The following FARS2 variants were observed in gnomAD, a reference collection of about 807,000 sequenced individuals.
FARS2 encodes the protein phenylalanyl-tRNA synthetase 2, mitochondrial.
Under a neutral mutation model 46.4 loss-of-function variants are expected in FARS2, and 40 were observed. The observed-to-expected ratio is 0.86, with a 90% confidence interval of 0.67 to 1.12. The LOEUF is 1.12. FARS2 is among the 50% of genes most tolerant of loss of function. The pLI is 0.00. For missense variants in FARS2, 513 were observed against 567.9 expected (o/e 0.90, Z 0.98); for synonymous variants, 234 against 214.9 (o/e 1.09, Z -0.78).
At chr6:5,279,862 C>T (rs894498102) in intron 1 of FARS2, among the ~76,000 whole-genome samples, 1 of 152,164 alleles carries the variant, frequency 6.6e-6, no homozygotes, top group South Asian at 2.1e-4. Context: ...AGAGGGCAAT[C>T]CGTTATACTT....
At chr6:5,431,758 G>T (rs1168524268) in intron 4 of FARS2, 1 of 511,566 alleles carries the variant, frequency 2.0e-6, no homozygotes, top group Non-Finnish European at 4.0e-6. Flanking sequence ...AGATCTGTCT[G>T]GCTCTTTTCT....
intron 5 of FARS2, among the ~76,000 whole-genome samples, chr6:5,596,298 A>G (rs1221380680): frequency 6.6e-6 from 1 of 152,206 alleles, no homozygotes; most frequent in African/African-American, 2.4e-5. Context: ...CTCGCTCATT[A>G]ACCGTGCACC....
At chr6:5,724,944 A>G (rs1274027049) in intron 6 of FARS2, among the ~76,000 whole-genome samples, 1 of 152,256 alleles carries the variant, frequency 6.6e-6, no homozygotes, top group Non-Finnish European at 1.5e-5. Flanking sequence ...CTTTCCTTCC[A>G]GGAGACTAAA....
intron 1 of FARS2, among the ~76,000 whole-genome samples, chr6:5,321,821 G>A (rs543686548): frequency 3.9e-5 from 6 of 152,174 alleles, no homozygotes; most frequent in African/African-American, 9.7e-5. Flanking sequence ...TCAAGTAGCC[G>A]TTTCCCGGAA....
At chr6:5,522,694 G>T (rs982559411) in intron 4 of FARS2, among the ~76,000 whole-genome samples, 3 of 152,168 alleles carry the variant, frequency 2.0e-5, no homozygotes, top group African/African-American at 7.2e-5. Context: ...CATTGGATTT[G>T]CTTGGGAAGA....
chr6:5,500,894 T>G (rs1485600794), intron 4 of FARS2, among the ~76,000 whole-genome samples: 1 of 151,604 alleles, frequency 6.6e-6, no homozygotes, highest in Non-Finnish European at 1.5e-5. Context: ...AACAAAACAT[T>G]TTCTGTCCTT....
chr6:5,283,416 G>A (rs2127866097), intron 1 of FARS2, among the ~76,000 whole-genome samples: 1 of 150,950 alleles, frequency 6.6e-6, no homozygotes, highest in East Asian at 1.9e-4. Flanking sequence ...AGGCGTCTTG[G>A]TGGGCATCTG....
chr6:5,625,241 C>T (rs778762377), intron 6 of FARS2, among the ~76,000 whole-genome samples: 2 of 152,158 alleles, frequency 1.3e-5, no homozygotes, highest in East Asian at 1.9e-4. Flanking sequence ...TCACGCTTCA[C>T]CAGTTCACAT....
At chr6:5,539,786 C>T (rs879690812) in intron 4 of FARS2, among the ~76,000 whole-genome samples, 1 of 152,120 alleles carries the variant, frequency 6.6e-6, no homozygotes, top group Non-Finnish European at 1.5e-5. Flanking sequence ...ATTTCAAATG[C>T]GAAAAACTGA....
At chr6:5,687,919 C>T (rs1444129159) in intron 6 of FARS2, among the ~76,000 whole-genome samples, 3 of 152,056 alleles carry the variant, frequency 2.0e-5, no homozygotes, top group Admixed American at 6.5e-5. Context: ...CCTTCACGTC[C>T]CTTGTAAGTT....
chr6:5,604,537 C>A (rs1257917136), intron 5 of FARS2, among the ~76,000 whole-genome samples: 2 of 152,102 alleles, frequency 1.3e-5, no homozygotes, highest in African/African-American at 4.8e-5. Flanking sequence ...CTCGGCGGAC[C>A]CCAGGCGTCT....
At chr6:5,432,699 C>T (rs925122143) in intron 4 of FARS2, among the ~76,000 whole-genome samples, 11 of 151,394 alleles carry the variant, frequency 7.3e-5, no homozygotes, top group Non-Finnish European at 1.6e-4. Context: ...GCTGCTTGGC[C>T]TTGGAGGGCA....
chr6:5,511,909 A>G (rs2150404796), intron 4 of FARS2, among the ~76,000 whole-genome samples: 1 of 152,340 alleles, frequency 6.6e-6, no homozygotes, highest in South Asian at 2.1e-4. Context: ...ATGTGTACAC[A>G]TTCATTAATC....
chr6:5,422,669 G>T (rs1212825689), intron 3 of FARS2, among the ~76,000 whole-genome samples: 2 of 152,224 alleles, frequency 1.3e-5, no homozygotes, highest in African/African-American at 2.4e-5. Flanking sequence ...GTATATGCCA[G>T]CCTCACATCA....
At chr6:5,653,755 C>A (rs536748826) in intron 6 of FARS2, among the ~76,000 whole-genome samples, 2 of 152,312 alleles carry the variant, frequency 1.3e-5, no homozygotes, top group South Asian at 4.1e-4. Flanking sequence ...GTGCCTGTTA[C>A]CTGTCAGATG....
At position 5,346,542 on chromosome 6, in the gene FARS2, C is replaced by T. The variant is rs1379783145; in HGVS notation, c.-21-22008C>T. Among the ~76,000 whole-genome samples the T allele has an allele frequency of 7.2e-5, 11 of 152,206 alleles. No individual in the cohort carries two copies. The East Asian group carries it at 1.5e-3, about 21-fold the overall frequency. On this transcript the variant is annotated intron_variant, in intron 1 of 6. Coordinates refer to ENST00000274680, the MANE Select transcript of FARS2 (RefSeq NM_006567.5). The stretch of plus-strand genomic sequence containing the variant: ...GACATTCAGGGTTAGATCCATGCTC[C>T]GGAGTGTAGCATTGTATTCTTGATC...
intron 4 of FARS2, among the ~76,000 whole-genome samples, chr6:5,443,408 C>T (rs1763952905): frequency 6.6e-6 from 1 of 152,262 alleles, no homozygotes; most frequent in Non-Finnish European, 1.5e-5. Flanking sequence ...CTTTGAAGCA[C>T]TGTCTGCTAT....
At chr6:5,612,523 T>C (rs1775245461) in intron 5 of FARS2, among the ~76,000 whole-genome samples, 1 of 152,184 alleles carries the variant, frequency 6.6e-6, no homozygotes, top group Admixed American at 6.5e-5. Flanking sequence ...ACAAATACAG[T>C]AACTTCTAAA....
At chr6:5,563,550 G>C (rs1383381428) in intron 5 of FARS2, among the ~76,000 whole-genome samples, 2 of 152,174 alleles carry the variant, frequency 1.3e-5, no homozygotes, top group Non-Finnish European at 1.5e-5. Flanking sequence ...ACTAACTGCT[G>C]TTAGGGGGTT....
Sources: allele counts gnomAD v4.1 joint callset (sites outside exome capture counted in the v4.1 genomes callset), GRCh38; gene constraint gnomAD v4.1.1; transcripts MANE v1.5; gene names NCBI Gene and HGNC (gene_info 2026-07-23, HGNC 2026-07-21).